Variants in DLG2 observed in about 807,000 individuals in gnomAD.
DLG2 encodes discs large MAGUK scaffold protein 2.
DLG2 carries 45 observed loss-of-function variants against 132.5 expected under a neutral mutation model. The ratio of observed to expected loss-of-function variants is 0.34; its 90% confidence interval spans 0.27 to 0.44. DLG2 has a LOEUF of 0.44. Among genes scored for constraint, DLG2 ranks in the 20% least tolerant of loss-of-function variants. The probability of loss-of-function intolerance (pLI) is 1.00; values close to 1 mark genes in which losing one functional copy is unlikely to be tolerated. For missense variants in DLG2, 1,045 were observed against 1,196.9 expected, an observed-to-expected ratio of 0.87 and a Z score of 1.87; for synonymous variants, 424 against 419.6, an observed-to-expected ratio of 1.01 and a Z score of -0.13.
chr11:85,532,389 G>GA (rs1485111659), intron 3 of DLG2, among the ~76,000 whole-genome samples: 1 of 152,198 alleles, frequency 6.6e-6, no homozygotes, highest in Non-Finnish European at 1.5e-5. Context: ...TGAGGAGCAG[G>GA]AAGGCTTTAG....
chr11:85,178,942 T>C (rs2079511607), intron 4 of DLG2, among the ~76,000 whole-genome samples: 1 of 151,794 alleles, frequency 6.6e-6, no homozygotes, highest in Admixed American at 6.6e-5. Flanking sequence ...GAAAAAGCAA[T>C]ATTTGAATAA....
chr11:83,740,116 G>C (rs957008904), intron 18 of DLG2, among the ~76,000 whole-genome samples: 4 of 152,158 alleles, frequency 2.6e-5, no homozygotes, highest in African/African-American at 9.7e-5. Flanking sequence ...CTATTAAGCA[G>C]TTGCTCCTAA....
At chr11:84,247,552 G>C (rs1434130812) in intron 8 of DLG2, among the ~76,000 whole-genome samples, 2 of 152,084 alleles carry the variant, frequency 1.3e-5, no homozygotes, top group Non-Finnish European at 2.9e-5. Context: ...GCTAGACTAT[G>C]TCACATTTAA....
chr11:85,607,382 G>A (rs1004939392), intron 2 of DLG2, among the ~76,000 whole-genome samples: 4 of 152,180 alleles, frequency 2.6e-5, no homozygotes, highest in African/African-American at 4.8e-5. Context: ...CCGACAACAA[G>A]TTGGTTGACC....
intron 15 of DLG2, among the ~76,000 whole-genome samples, chr11:83,878,448 T>C (rs1052769135): frequency 3.3e-5 from 5 of 152,158 alleles, no homozygotes; most frequent in African/African-American, 9.7e-5. Flanking sequence ...TATTGTTTTA[T>C]AAAAAGTTGA....
chr11:84,489,753 C>A (rs2099160007), intron 7 of DLG2, among the ~76,000 whole-genome samples: 1 of 152,060 alleles, frequency 6.6e-6, no homozygotes, highest in Non-Finnish European at 1.5e-5. Context: ...TTAATGTTCA[C>A]CTCAAAATTT....
At chr11:84,959,539 C>T (rs2052220480) in intron 6 of DLG2, among the ~76,000 whole-genome samples, 1 of 152,140 alleles carries the variant, frequency 6.6e-6, no homozygotes. Flanking sequence ...GGATACAAGA[C>T]CTCAGTCTTT....
rs779576306 is a variant in DLG2, at chr11:83,930,380, C to G, written c.1444G>C (p.Ala482Pro). The G allele has an allele frequency of 2.5e-6, 4 of 1,614,032 alleles. No individual in the cohort carries two copies. Among genetic ancestry groups the G allele is most frequent in the Non-Finnish European group, 2.5e-6 (3 of 1,179,934 alleles). ...CCTAGGTGGTAGTGGGAATAGGGAG[C>G]TGAGAGGAGGAAGCTTTTGTCACAC... is the stretch of plus-strand genomic sequence containing the variant. ...VECDKSFLLS[A>P]PYSHYHLGLL... is the part of the protein sequence containing the mutation. Residue 482 changes from alanine (A) to proline (P), a missense_variant, in exon 15 of 28, where the codon GCT becomes CCT. By Grantham distance (27) the Ala-to-Pro change is conservative. This residue lies in a region of DLG2 where 261 missense variants were observed against 256.1 expected (regional missense o/e 1.02). Transcript: ENST00000376104.
At chr11:85,151,615 G>C (rs533370085) in intron 5 of DLG2, among the ~76,000 whole-genome samples, 4 of 152,240 alleles carry the variant, frequency 2.6e-5, no homozygotes, top group Admixed American at 6.5e-5. Context: ...TAGATATCCA[G>C]TTTTCCCACC....
rs35949430 is a variant in DLG2 at position 83,458,344 on chromosome 11, T to TA, written c.*1473dup. 0.22 allele frequency: 34,020 copies of TA among 152,512 alleles called. 4,173 individuals are homozygous for TA. The highest frequency in any genetic ancestry group is 0.28 in the Non-Finnish European group (18,900 of 67,966). 9.4% of individuals were successfully genotyped at this position (152,512 alleles called of 1,614,324 possible). ...TTTAAATCATCGTTATTATAATTGT[T>TA]AAAAAATAAACTTGGTCCAGGTGCA... On this transcript the variant is annotated 3_prime_UTR_variant, in exon 28 of 28. Coordinates refer to ENST00000376104, the MANE Select transcript of DLG2 (RefSeq NM_001142699.3).
chr11:85,302,876 T>C (rs1216161511), intron 3 of DLG2, among the ~76,000 whole-genome samples: 10 of 152,182 alleles, frequency 6.6e-5, no homozygotes, highest in Non-Finnish European at 1.3e-4. Flanking sequence ...CCAGACATGA[T>C]AAAAAATTCA....
intron 6 of DLG2, among the ~76,000 whole-genome samples, chr11:84,937,275 T>C (rs1337887620): frequency 1.3e-5 from 2 of 152,146 alleles, no homozygotes; most frequent in Non-Finnish European, 2.9e-5. Context: ...CATGCATTAA[T>C]TTATGAAATC....
intron 4 of DLG2, among the ~76,000 whole-genome samples, chr11:85,188,886 T>A (rs2080318860): frequency 6.6e-6 from 1 of 151,964 alleles, no homozygotes; most frequent in Admixed American, 6.6e-5. Context: ...CCAACACAAG[T>A]AACGGGAGTC....
At chr11:84,710,076 A>G (rs184877510) in intron 6 of DLG2, among the ~76,000 whole-genome samples, 1 of 152,072 alleles carries the variant, frequency 6.6e-6, no homozygotes, top group East Asian at 1.9e-4. Flanking sequence ...AGTGTCACAT[A>G]GCAATTAATA....
chr11:84,596,260 T>C (rs2099556805), intron 6 of DLG2, among the ~76,000 whole-genome samples: 2 of 151,526 alleles, frequency 1.3e-5, no homozygotes, highest in African/African-American at 4.9e-5. Flanking sequence ...CAGGTTGGAG[T>C]GCAGTGGTGC....
chr11:85,240,106 T>C (rs1181408790), intron 4 of DLG2, among the ~76,000 whole-genome samples: 1 of 151,946 alleles, frequency 6.6e-6, no homozygotes, highest in Admixed American at 6.6e-5. Flanking sequence ...TAAAGTGGCA[T>C]TCATCTTAGT....
At chr11:83,735,000 A>C (rs2091703524) in intron 18 of DLG2, among the ~76,000 whole-genome samples, 1 of 152,030 alleles carries the variant, frequency 6.6e-6, no homozygotes, top group Non-Finnish European at 1.5e-5. Context: ...GCCTCTACTC[A>C]CCTGTTTGTC....
chr11:83,509,934 G>A (rs2094921011), intron 21 of DLG2, among the ~76,000 whole-genome samples: 1 of 152,092 alleles, frequency 6.6e-6, no homozygotes, highest in African/African-American at 2.4e-5. Context: ...ATATAGCTGT[G>A]AACTAACACA....
intron 6 of DLG2, among the ~76,000 whole-genome samples, chr11:84,860,858 G>A (rs938499958): frequency 3.3e-5 from 5 of 150,412 alleles, no homozygotes; most frequent in African/African-American, 4.9e-5. Context: ...AACTGCAATA[G>A]CCATGAAAGG....
Sources: allele counts gnomAD v4.1 joint callset (sites outside exome capture counted in the v4.1 genomes callset), GRCh38; gene constraint gnomAD v4.1.1; regional missense constraint gnomAD v4.1.1; transcripts MANE v1.5; gene names NCBI Gene and HGNC (gene_info 2026-07-23, HGNC 2026-07-21).